C6orf132: variants seen among roughly 807,000 people sequenced by gnomAD.
C6orf132 encodes chromosome 6 open reading frame 132.
C6orf132 carries 43 observed loss-of-function variants against 65.3 expected under a neutral mutation model. The observed-to-expected ratio is 0.66, with a 90% confidence interval of 0.52 to 0.85. C6orf132 has a LOEUF of 0.85. Ranked by LOEUF, C6orf132 falls within the 40% of genes least tolerant of loss-of-function variation. The pLI is 0.00. For synonymous variants in C6orf132, 631 were observed against 654.1 expected (o/e 0.96, Z 0.54); for missense variants, 1,488 against 1,548.8 (o/e 0.96, Z 0.66).
intron 2 of C6orf132, among the ~76,000 whole-genome samples, chr6:42,112,787 T>C (rs1562035446): frequency 1.3e-5 from 2 of 152,194 alleles, no homozygotes; most frequent in Admixed American, 6.5e-5. Context: ...TTGTTAGTGA[T>C]GGGCTGATGG....
At chr6:42,142,241 G>T in intron 1 of C6orf132, 59 bp downstream of exon 1, 2 of 1,515,792 alleles carry the variant, frequency 1.3e-6, no homozygotes, top group African/African-American at 1.4e-5. Flanking sequence ...CAGCACCGCC[G>T]GCCCTGCCCC....
intron 2 of C6orf132, among the ~76,000 whole-genome samples, chr6:42,121,000 C>G (rs1766675245): frequency 6.6e-6 from 1 of 152,198 alleles, no homozygotes. Flanking sequence ...GCAATCTTAA[C>G]TGACTTATCT....
At chr6:42,137,459 TC>T (rs1347550355) in intron 1 of C6orf132, among the ~76,000 whole-genome samples, 5 of 151,956 alleles carry the variant, frequency 3.3e-5, no homozygotes, top group African/African-American at 1.2e-4. Context: ...AGCTCCTGAC[TC>T]CCGGGGTAGG....
chr6:42,130,274 T>G (rs6900287), intron 1 of C6orf132, among the ~76,000 whole-genome samples: 42,929 of 152,148 alleles, frequency 0.28, 7,133 homozygotes, highest in African/African-American at 0.46. Flanking sequence ...CAGTTGCCAG[T>G]CTCCATGCCT....
chr6:42,130,026 G>A (rs957977081), intron 1 of C6orf132, among the ~76,000 whole-genome samples: 2 of 152,218 alleles, frequency 1.3e-5, no homozygotes, highest in South Asian at 2.1e-4. Context: ...CACCCCATGC[G>A]AGCATCTGGG....
Position 42,105,490 on chromosome 6 carries a change from C to T in C6orf132, c.2422G>A (p.Gly808Arg). Residue 808 changes from glycine (G) to arginine (R), a missense_variant, in exon 4 of 5, where the codon GGG becomes AGG. Physicochemically the swap from Gly to Arg is moderately radical, Grantham distance 125. Coordinates refer to ENST00000341865, the MANE Select transcript of C6orf132 (RefSeq NM_001164446.3). The part of the protein sequence containing the change: ...GEPVEVKEPP[G>R]LPAKPPASAQ... The stretch of plus-strand genomic sequence containing the variant: ...GAGGCAGGAGGCTTGGCTGGCAGCC[C>T]TGGGGGCTCCTTCACCTCCACGGGC... 6.5e-7 allele frequency: 1 copy of T among 1,533,412 alleles called. No homozygotes were observed. 95.0% of individuals were successfully genotyped at this position (1,533,412 alleles called of 1,614,324 possible).
At chr6:42,119,362 T>TTC (rs1766643073) in intron 2 of C6orf132, among the ~76,000 whole-genome samples, 1 of 143,004 alleles carries the variant, frequency 7.0e-6, no homozygotes, top group African/African-American at 2.6e-5. Flanking sequence ...TTTTTTTTTT[T>TTC]GAGACAGAGT....
intron 1 of C6orf132, among the ~76,000 whole-genome samples, chr6:42,136,408 C>T (rs1245934513): frequency 6.6e-6 from 1 of 152,172 alleles, no homozygotes; most frequent in Non-Finnish European, 1.5e-5. Flanking sequence ...ACTTCAGGAG[C>T]ACCGGCTACA....
chr6:42,129,453 G>A (rs1766820541), intron 1 of C6orf132, among the ~76,000 whole-genome samples: 1 of 152,246 alleles, frequency 6.6e-6, no homozygotes, highest in African/African-American at 2.4e-5. Flanking sequence ...CATCCGTACA[G>A]TGGGAGTGAT....
chr6:42,142,364 G>A lies in C6orf132; in HGVS notation c.81C>T (p.Leu27=), dbSNP rs1767051500. The stretch of plus-strand genomic sequence containing the variant: ...AGATCCAGGGCGGATTGGTGGCGTA[G>A]AGGGAGGTGCTGGGGGTCGTGGTGT... The part of the protein sequence containing the change: ...KKHTTTPSTS[L]YATNPPWIFT... The change falls in exon 1 of 5, where the codon CTC becomes CTT. Residue 27 remains leucine (L), a synonymous_variant. Coordinates refer to ENST00000341865, the MANE Select transcript of C6orf132 (RefSeq NM_001164446.3). 6.4e-7 allele frequency: 1 copy of A among 1,551,414 alleles called. No individual in the cohort carries two copies. Among genetic ancestry groups the A allele is most frequent in the Non-Finnish European group, 8.7e-7 (1 of 1,146,904 alleles).
rs948660486 is a variant in C6orf132, at chr6:42,106,851, G to A, written c.1061C>T (p.Pro354Leu). The A allele has an allele frequency of 1.9e-5, 29 of 1,535,664 alleles. No homozygotes were observed. Among genetic ancestry groups the A allele is most frequent in the Non-Finnish European group, 2.4e-5 (28 of 1,146,594 alleles). The change falls in exon 4 of 5, where the codon CCA becomes CTA. Residue 354 changes from proline to leucine, a missense_variant. Coordinates refer to ENST00000341865, the MANE Select transcript of C6orf132 (RefSeq NM_001164446.3). ...GCAGTCTGGCTCGGGGGCCCTGTCT[G>A]GGTAGACCTGGGAGGCGGGGCGGAT... is the stretch of plus-strand genomic sequence containing the variant. ...FHIRPASQVY[P>L]DRAPEPDCPG...
chr6:42,132,725 G>A (rs1766872629), intron 1 of C6orf132, among the ~76,000 whole-genome samples: 1 of 150,810 alleles, frequency 6.6e-6, no homozygotes, highest in African/African-American at 2.4e-5. Context: ...GTGGGCACCT[G>A]TAATCCCAGC....
chr6:42,105,715 C>T lies in C6orf132; in HGVS notation c.2197G>A (p.Gly733Arg), dbSNP rs1387611314. 1 of 1,537,326 alleles carries T rather than the reference C, an allele frequency of 6.5e-7. No individual in the cohort carries two copies. Among genetic ancestry groups the T allele is most frequent in the Admixed American group, 2.0e-5 (1 of 51,014 alleles). The change falls in exon 4 of 5, where the codon GGA (glycine) becomes AGA (arginine). Residue 733 changes from glycine to arginine, a missense_variant. Physicochemically the swap from Gly to Arg is moderately radical, Grantham distance 125 (BLOSUM62 -2). Transcript: ENST00000341865. ...QEVSTPSQAR[G>R]EGSPSEATRL... is the part of the protein sequence containing the mutation. ...GTGGCCTCTGAGGGGGACCCCTCTCCCCTTGCCTGGGAGGGAGTGGAAACT... is the reference window on the plus strand; with the variant it reads ...GTGGCCTCTGAGGGGGACCCCTCTCTCCTTGCCTGGGAGGGAGTGGAAACT...
chr6:42,133,774 C>G (rs1766893670), intron 1 of C6orf132, among the ~76,000 whole-genome samples: 1 of 92,640 alleles, frequency 1.1e-5, no homozygotes, highest in Admixed American at 1.5e-4. Context: ...CATAGGATTA[C>G]TTTAGAGTTT....
chr6:42,135,330 G>A (rs943831059), intron 1 of C6orf132, among the ~76,000 whole-genome samples: 6 of 152,318 alleles, frequency 3.9e-5, no homozygotes, highest in Admixed American at 2.0e-4. Flanking sequence ...ACTGCCTTAC[G>A]CATGGCAGGG....
chr6:42,138,398 C>T (rs1414897857), intron 1 of C6orf132, among the ~76,000 whole-genome samples: 1 of 152,138 alleles, frequency 6.6e-6, no homozygotes, highest in Non-Finnish European at 1.5e-5. Context: ...CTCGAGCAGT[C>T]CTCCCGCCTC....
chr6:42,139,892 T>C (rs2127480931), intron 1 of C6orf132, among the ~76,000 whole-genome samples: 1 of 152,312 alleles, frequency 6.6e-6, no homozygotes, highest in South Asian at 2.1e-4. Context: ...GCCTGGACAC[T>C]ATCCCCTTTA....
At chr6:42,116,377 G>C (rs147398507) in intron 2 of C6orf132, among the ~76,000 whole-genome samples, 1 of 152,194 alleles carries the variant, frequency 6.6e-6, no homozygotes, top group African/African-American at 2.4e-5. Flanking sequence ...GCGAGTTATG[G>C]ATCACTGTCT....
At chr6:42,119,640 C>T (rs1036847880) in intron 2 of C6orf132, among the ~76,000 whole-genome samples, 3 of 151,946 alleles carry the variant, frequency 2.0e-5, no homozygotes, top group Admixed American at 2.0e-4. Context: ...AGCCACTGCA[C>T]CCAGCCTGTC....
Sources: allele counts gnomAD v4.1 joint callset (sites outside exome capture counted in the v4.1 genomes callset), GRCh38; gene constraint gnomAD v4.1.1; transcripts MANE v1.5; gene names NCBI Gene and HGNC (gene_info 2026-07-23, HGNC 2026-07-21).